The following SCHIP1 variants were observed in gnomAD, a reference collection of about 807,000 sequenced individuals.
The protein encoded by SCHIP1 is schwannomin interacting protein 1.
SCHIP1 carries 8 observed loss-of-function variants against 29.7 expected under a neutral mutation model. The ratio of observed to expected loss-of-function variants is 0.27; its 90% confidence interval spans 0.16 to 0.49. SCHIP1 has a LOEUF of 0.49. Ranked by LOEUF, SCHIP1 falls within the 20% of genes least tolerant of loss-of-function variation. The pLI is 0.99. For missense variants in SCHIP1, 193 were observed against 294.6 expected (o/e 0.66, Z 2.52); for synonymous variants, 76 against 94.9 (o/e 0.80, Z 1.16).
the SCHIP1 span, among the ~76,000 whole-genome samples, chr3:159,762,469 C>T: frequency 1.3e-5 from 2 of 152,192 alleles, no homozygotes; most frequent in Non-Finnish European, 2.9e-5. Flanking sequence ...CCCATGCATT[C>T]CCCTCTTCTT....
Position 159,843,596 on chromosome 3 carries a change from G to A in SCHIP1, c.30+3382G>A, listed in dbSNP as rs538834253. ...AGGACTTTGGGAGGCCGAGGGCTGC[G>A]GATCACGAGGTCAGGAGATCGAGAC... On this transcript the variant is annotated intron_variant, in intron 1 of 6. Coordinates refer to ENST00000445224, the Ensembl canonical transcript of SCHIP1. Among the ~76,000 whole-genome samples the A allele has an allele frequency of 2.3e-4, 35 of 151,876 alleles. 2 individuals are homozygous for A. The highest frequency in any genetic ancestry group is 2.6e-4 in the Non-Finnish European group (18 of 67,940).
chr3:159,538,170 A>C, the SCHIP1 span, among the ~76,000 whole-genome samples: 2 of 152,182 alleles, frequency 1.3e-5, no homozygotes, highest in Non-Finnish European at 2.9e-5. Context: ...TTTTAAAGAA[A>C]GTAATCTAAG....
chr3:159,879,938 G>A (rs1178447744), intron 2 of SCHIP1, among the ~76,000 whole-genome samples: 1 of 152,186 alleles, frequency 6.6e-6, no homozygotes, highest in Non-Finnish European at 1.5e-5. Context: ...CCACAGAATG[G>A]CCGGTGTGCT....
the SCHIP1 span, among the ~76,000 whole-genome samples, chr3:159,508,765 T>C: frequency 6.6e-6 from 1 of 152,238 alleles, no homozygotes; most frequent in South Asian, 2.1e-4. Flanking sequence ...AGTTTCCATG[T>C]AGTTGAGCGG....
chr3:159,417,096 C>T, the SCHIP1 span, among the ~76,000 whole-genome samples: 7 of 152,368 alleles, frequency 4.6e-5, no homozygotes, highest in South Asian at 2.1e-4. Flanking sequence ...GCTTCCGCAG[C>T]ACTGGCTATT....
At chr3:159,363,126 T>C in the SCHIP1 span, among the ~76,000 whole-genome samples, 2 of 152,166 alleles carry the variant, frequency 1.3e-5, no homozygotes, top group East Asian at 1.9e-4. Context: ...GTATGTATAG[T>C]TGGAGATGAC....
At chr3:159,291,701 A>G in the SCHIP1 span, among the ~76,000 whole-genome samples, 1 of 152,156 alleles carries the variant, frequency 6.6e-6, no homozygotes, top group African/African-American at 2.4e-5. Flanking sequence ...CACAGTACAT[A>G]TCCCTGTAAA....
intron 6 of SCHIP1, 87 bp from the exon 8 acceptor site, chr3:159,896,636 C>T (rs2109561814): frequency 7.5e-7 from 1 of 1,327,240 alleles, no homozygotes. Context: ...CTCTGAACTT[C>T]AGTTTGCAGG....
At chr3:159,628,985 A>T in the SCHIP1 span, among the ~76,000 whole-genome samples, 2 of 152,214 alleles carry the variant, frequency 1.3e-5, no homozygotes, top group African/African-American at 2.4e-5. Context: ...GAGGTAAAAA[A>T]AGTGAATCTT....
At chr3:159,549,332 C>T in the SCHIP1 span, among the ~76,000 whole-genome samples, 2 of 152,148 alleles carry the variant, frequency 1.3e-5, no homozygotes, top group Non-Finnish European at 2.9e-5. Context: ...ATTATAGCTA[C>T]CCCATTGTTA....
chr3:159,678,087 G>C, the SCHIP1 span, among the ~76,000 whole-genome samples: 1 of 152,314 alleles, frequency 6.6e-6, no homozygotes, highest in South Asian at 2.1e-4. Context: ...CTAGTAATTA[G>C]GGCAGGAATA....
chr3:159,847,310 A>G (rs945032613), intron 1 of SCHIP1, among the ~76,000 whole-genome samples: 3 of 152,198 alleles, frequency 2.0e-5, no homozygotes, highest in African/African-American at 7.2e-5. Flanking sequence ...CAGAAGCCCA[A>G]CATTAATAGA....
the SCHIP1 span, among the ~76,000 whole-genome samples, chr3:159,345,550 CTCTT>C: frequency 9.3e-4 from 126 of 135,094 alleles, no homozygotes; most frequent in Middle Eastern, 3.9e-3. Context: ...AGCAGTGTCT[CTCTT>C]TCTCTCTCTC....
the SCHIP1 span, among the ~76,000 whole-genome samples, chr3:159,515,140 T>A: frequency 1.2e-4 from 18 of 151,720 alleles, no homozygotes; most frequent in East Asian, 3.1e-3. Context: ...TCAAAACTTC[T>A]GTCTCTCCTT....
the SCHIP1 span, among the ~76,000 whole-genome samples, chr3:159,400,122 T>G: frequency 6.6e-6 from 1 of 152,232 alleles, no homozygotes; most frequent in African/African-American, 2.4e-5. Flanking sequence ...GGTTAATACC[T>G]GCCAAAAGTC....
the SCHIP1 span, among the ~76,000 whole-genome samples, chr3:159,791,573 G>A: frequency 6.6e-6 from 1 of 152,208 alleles, no homozygotes; most frequent in African/African-American, 2.4e-5. Flanking sequence ...GTGTCCTACA[G>A]GAGTTGGGCC....
the SCHIP1 span, among the ~76,000 whole-genome samples, chr3:159,549,731 T>TA: frequency 1.3e-5 from 2 of 152,158 alleles, no homozygotes; most frequent in Non-Finnish European, 2.9e-5. Flanking sequence ...AGAAGACTAA[T>TA]ACAACCATGG....
intron 6 of SCHIP1, 176 bp downstream of exon 7, chr3:159,892,366 C>A: frequency 3.0e-6 from 2 of 675,196 alleles, no homozygotes; most frequent in Non-Finnish European, 5.0e-6. Context: ...TTGTCCTTAC[C>A]AAATGCATGC....
At chr3:159,716,071 C>T in the SCHIP1 span, among the ~76,000 whole-genome samples, 1 of 152,294 alleles carries the variant, frequency 6.6e-6, no homozygotes, top group East Asian at 1.9e-4. Flanking sequence ...ACTCTACAAG[C>T]CAGAAGAGAG....
Sources: gnomAD v4.1 joint callset for allele counts (sites outside exome capture counted in the v4.1 genomes callset) on GRCh38, gnomAD v4.1.1 for gene constraint, MANE v1.5 for transcripts, NCBI Gene and HGNC (gene_info 2026-07-23, HGNC 2026-07-21) for gene names.